CADPS: variants seen among roughly 807,000 people sequenced by gnomAD.
The protein encoded by CADPS is calcium dependent secretion activator, also known as calcium-dependent secretion activator 1.
Under a neutral mutation model 167.3 loss-of-function variants are expected in CADPS, and 57 were observed. The ratio of observed to expected loss-of-function variants is 0.34; its 90% CI spans 0.28 to 0.42. The LOEUF (loss-of-function observed/expected upper bound fraction) is 0.42. Among genes scored for constraint, CADPS ranks in the 20% least tolerant of loss-of-function variants. CADPS has a pLI of 1.00. For missense variants in CADPS, 1,414 were observed against 1,738.1 expected (o/e 0.81, Z 3.32); for synonymous variants, 676 against 635.3 (o/e 1.06, Z -0.96).
chr3:62,854,407 A>C (rs1210044432), intron 1 of CADPS, among the ~76,000 whole-genome samples: 1 of 151,662 alleles, frequency 6.6e-6, no homozygotes, highest in Non-Finnish European at 1.5e-5. Flanking sequence ...AAATATAAAG[A>C]GTGTAATTTT....
At chr3:62,493,211 G>T (rs1341070412) in intron 19 of CADPS, among the ~76,000 whole-genome samples, 1 of 152,140 alleles carries the variant, frequency 6.6e-6, no homozygotes, top group Non-Finnish European at 1.5e-5. Flanking sequence ...ATTGTGCAGG[G>T]TCTCAGGGGG....
intron 11 of CADPS, among the ~76,000 whole-genome samples, chr3:62,548,525 T>C (rs1214392202): frequency 6.6e-6 from 1 of 152,230 alleles, no homozygotes; most frequent in Admixed American, 6.5e-5. Flanking sequence ...AAAGAAGTTG[T>C]ATTTCCTGAT....
intron 3 of CADPS, among the ~76,000 whole-genome samples, chr3:62,721,033 G>A (rs2075691890): frequency 6.7e-6 from 1 of 149,536 alleles, no homozygotes; most frequent in South Asian, 2.1e-4. Flanking sequence ...TAGCCAGGAT[G>A]GTATCAATCT....
At chr3:62,405,898 G>A (rs1026077681) in intron 28 of CADPS, among the ~76,000 whole-genome samples, 1 of 152,128 alleles carries the variant, frequency 6.6e-6, no homozygotes, top group Non-Finnish European at 1.5e-5. Context: ...TTTGGATGTC[G>A]GAAAAAACAG....
chr3:62,502,554 C>CA (rs201650179), intron 17 of CADPS, among the ~76,000 whole-genome samples: 2,359 of 152,146 alleles, frequency 0.016, 53 homozygotes, highest in African/African-American at 0.053. Flanking sequence ...CATAGCTAGA[C>CA]AAAAAATATG....
intron 8 of CADPS, among the ~76,000 whole-genome samples, chr3:62,576,786 T>C (rs1259896537): frequency 3.9e-5 from 1 of 25,676 alleles, no homozygotes; most frequent in Non-Finnish European, 6.4e-5. Flanking sequence ...CAAGACTCTG[T>C]CTAAAAAAAA....
chr3:62,710,530 C>T (rs1006917826), intron 3 of CADPS, among the ~76,000 whole-genome samples: 3 of 152,130 alleles, frequency 2.0e-5, no homozygotes, highest in Non-Finnish European at 4.4e-5. Context: ...CATTTAACCA[C>T]AGGCCAGATC....
chr3:62,835,277 T>C (rs1013749124), intron 1 of CADPS, among the ~76,000 whole-genome samples: 1 of 152,198 alleles, frequency 6.6e-6, no homozygotes, highest in African/African-American at 2.4e-5. Flanking sequence ...CAGGCTACCT[T>C]GCAGCAAATT....
chr3:62,758,503 C>A (rs1283868872), intron 2 of CADPS, among the ~76,000 whole-genome samples: 2 of 152,220 alleles, frequency 1.3e-5, no homozygotes, highest in Non-Finnish European at 2.9e-5. Context: ...GGGCCTGGGC[C>A]AGCCTCACCC....
intron 2 of CADPS, among the ~76,000 whole-genome samples, chr3:62,765,130 A>C (rs1008993422): frequency 1.3e-5 from 2 of 152,228 alleles, no homozygotes; most frequent in African/African-American, 4.8e-5. Flanking sequence ...GCATATGAGG[A>C]AAGCATTGCC....
At chr3:62,846,648 T>A (rs148637655) in intron 1 of CADPS, among the ~76,000 whole-genome samples, 3 of 152,246 alleles carry the variant, frequency 2.0e-5, no homozygotes, top group African/African-American at 7.2e-5. Context: ...TTTTTTTGTT[T>A]GTTTTTTGGT....
At chr3:62,756,747 T>TA (rs1402478508) in intron 2 of CADPS, among the ~76,000 whole-genome samples, 6 of 152,134 alleles carry the variant, frequency 3.9e-5, no homozygotes, top group Admixed American at 2.0e-4. Context: ...TGGAGAGCTG[T>TA]AATTTATTTT....
chr3:62,653,364 A>G (rs1393878023), intron 4 of CADPS, among the ~76,000 whole-genome samples: 1 of 152,052 alleles, frequency 6.6e-6, no homozygotes, highest in Non-Finnish European at 1.5e-5. Flanking sequence ...CTGCCTATGA[A>G]CCAGAAAGTG....
intron 1 of CADPS, among the ~76,000 whole-genome samples, chr3:62,818,387 G>C (rs2094727851): frequency 6.6e-6 from 1 of 152,108 alleles, no homozygotes; most frequent in South Asian, 2.1e-4. Flanking sequence ...CAAAAGACTT[G>C]ACCAGACACC....
At chr3:62,631,326 T>C (rs2065238718) in intron 6 of CADPS, among the ~76,000 whole-genome samples, 1 of 152,184 alleles carries the variant, frequency 6.6e-6, no homozygotes, top group Admixed American at 6.5e-5. Context: ...AATATGGCTT[T>C]GGTGCCCTGA....
At chr3:62,675,301 T>C (rs1243576552) in intron 3 of CADPS, among the ~76,000 whole-genome samples, 1 of 152,132 alleles carries the variant, frequency 6.6e-6, no homozygotes, top group Non-Finnish European at 1.5e-5. Context: ...TTTATAAGCA[T>C]TAGTGTGTCT....
intron 26 of CADPS, among the ~76,000 whole-genome samples, chr3:62,453,257 G>GT (rs771958997): frequency 1.1e-4 from 16 of 152,032 alleles, no homozygotes; most frequent in Non-Finnish European, 1.5e-4. Context: ...AGAGAGCTGT[G>GT]TTTTTTTAAA....
At chr3:62,821,315 T>C (rs2094905048) in intron 1 of CADPS, among the ~76,000 whole-genome samples, 1 of 147,488 alleles carries the variant, frequency 6.8e-6, no homozygotes, top group Admixed American at 6.7e-5. Flanking sequence ...TCTGTGTTGG[T>C]TTTCTAGGCT....
intron 13 of CADPS, among the ~76,000 whole-genome samples, chr3:62,518,691 C>T (rs926269219): frequency 6.6e-6 from 1 of 152,178 alleles, no homozygotes; most frequent in African/African-American, 2.4e-5. Context: ...CTGGGACAGG[C>T]ACTCACCTGG....
Sources: allele counts gnomAD v4.1 joint callset (sites outside exome capture counted in the v4.1 genomes callset), GRCh38; gene constraint gnomAD v4.1.1; transcripts MANE v1.5; gene names NCBI Gene and HGNC (gene_info 2026-07-23, HGNC 2026-07-21).